GRID2: variants seen among roughly 807,000 people sequenced by gnomAD.
The protein encoded by GRID2 is glutamate receptor ionotropic, delta-2.
GRID2 carries 33 observed loss-of-function variants against 114.8 expected under a neutral mutation model. The observed-to-expected ratio is 0.29, with a 90% CI of 0.22 to 0.38. The LOEUF (loss-of-function observed/expected upper bound fraction) is 0.38. GRID2 is among the 10% of genes least tolerant of loss of function. The pLI, the probability that GRID2 is intolerant of heterozygous loss-of-function variation, is 1.00. For missense variants in GRID2, 1,184 were observed against 1,257.7 expected, an observed-to-expected ratio of 0.94 and a Z score of 0.89; for synonymous variants, 505 against 449.9, an observed-to-expected ratio of 1.12 and a Z score of -1.55.
chr4:92,504,820 A>G (rs951368641), intron 1 of GRID2, among the ~76,000 whole-genome samples: 1 of 152,028 alleles, frequency 6.6e-6, no homozygotes, highest in African/African-American at 2.4e-5. Context: ...TTTTGTTATC[A>G]AAGAGAAAAC....
intron 2 of GRID2, among the ~76,000 whole-genome samples, chr4:92,634,948 C>T: frequency 6.6e-6 from 1 of 151,614 alleles, no homozygotes; most frequent in East Asian, 1.9e-4. Context: ...GTATTTGCAG[C>T]TGCAATAAAG....
At chr4:92,880,133 T>C (rs968202050) in intron 2 of GRID2, among the ~76,000 whole-genome samples, 7 of 152,152 alleles carry the variant, frequency 4.6e-5, no homozygotes, top group Admixed American at 4.6e-4. Flanking sequence ...CTGCAAACTG[T>C]GTTTATTCCC....
At chr4:92,839,564 A>G (rs1742732778) in intron 2 of GRID2, among the ~76,000 whole-genome samples, 1 of 151,478 alleles carries the variant, frequency 6.6e-6, no homozygotes, top group Admixed American at 6.6e-5. Context: ...TTTTCTTTTA[A>G]ATTTCTTCTT....
intron 1 of GRID2, among the ~76,000 whole-genome samples, chr4:92,416,313 C>A (rs959180644): frequency 6.6e-6 from 1 of 152,040 alleles, no homozygotes; most frequent in Non-Finnish European, 1.5e-5. Flanking sequence ...CGTCCTTTGT[C>A]GGATGCATAG....
chr4:93,655,883 C>T (rs554082127), intron 14 of GRID2, among the ~76,000 whole-genome samples: 1 of 152,000 alleles, frequency 6.6e-6, no homozygotes, highest in South Asian at 2.1e-4. Context: ...GTGATATATA[C>T]ACCAATGGGA....
At chr4:93,606,699 A>C (rs563349801) in intron 13 of GRID2, among the ~76,000 whole-genome samples, 2 of 152,270 alleles carry the variant, frequency 1.3e-5, no homozygotes, top group South Asian at 4.1e-4. Context: ...TAAACATATT[A>C]TTCAGTTTAA....
Position 92,606,192 on chromosome 4 carries a change from G to A in GRID2, c.244+15906G>A, listed in dbSNP as rs1483482609. On this transcript the variant is annotated intron_variant, in intron 2 of 15. Transcript: ENST00000282020. The stretch of plus-strand genomic sequence containing the variant: ...TAGTTTTCTGTACACTTGTACAAAA[G>A]AGCCTCATTTGATAAAGCCAATAGT... 2.6e-5 allele frequency among the ~76,000 whole-genome samples: 4 copies of A among 151,490 alleles called. No individual in the cohort carries two copies. The East Asian group carries it at 7.8e-4, about 30-fold the overall frequency.
intron 2 of GRID2, among the ~76,000 whole-genome samples, chr4:93,045,754 G>A (rs2149274420): frequency 1.3e-5 from 2 of 152,142 alleles, no homozygotes; most frequent in Middle Eastern, 6.8e-3. Context: ...AATGATTTCT[G>A]CCTACCAATT....
At chr4:92,311,028 T>C (rs1204699083) in intron 1 of GRID2, among the ~76,000 whole-genome samples, 1 of 152,090 alleles carries the variant, frequency 6.6e-6, no homozygotes, top group Admixed American at 6.5e-5. Context: ...TTGAGAGAGC[T>C]GGATTTGTTT....
chr4:93,628,172 A>G (rs1742898056), intron 14 of GRID2, among the ~76,000 whole-genome samples: 1 of 152,122 alleles, frequency 6.6e-6, no homozygotes, highest in Admixed American at 6.6e-5. Flanking sequence ...CTAAATAATA[A>G]TCAATCAAAA....
intron 13 of GRID2, among the ~76,000 whole-genome samples, chr4:93,607,363 T>C (rs1280616845): frequency 6.6e-6 from 1 of 152,140 alleles, no homozygotes; most frequent in Non-Finnish European, 1.5e-5. Flanking sequence ...TAGAAATCCT[T>C]CCATAGCACC....
intron 2 of GRID2, among the ~76,000 whole-genome samples, chr4:92,965,450 TA>T (rs869285420): frequency 4.7e-5 from 4 of 85,776 alleles, no homozygotes; most frequent in South Asian, 4.0e-4. Flanking sequence ...ATTCAATTTG[TA>T]AAAAAAAAAA....
At chr4:93,680,082 A>T (rs1725357581) in intron 14 of GRID2, among the ~76,000 whole-genome samples, 1 of 151,386 alleles carries the variant, frequency 6.6e-6, no homozygotes, top group African/African-American at 2.4e-5. Context: ...GCAATAAAAA[A>T]TGATAAAGGG....
rs567577798 is a variant in GRID2, at chr4:93,324,325, G to T, written c.1246-71282G>T. Among the ~76,000 whole-genome samples, 138 of 152,120 alleles carry T rather than the reference G, an allele frequency of 9.1e-4. 1 individual carries two copies. The highest frequency in any genetic ancestry group is 3.2e-3 in the African/African-American group (134 of 41,514). On this transcript the variant is annotated intron_variant, in intron 8 of 15. Transcript: ENST00000282020. Reference sequence around the variant, plus strand: ...GATAATCATGTGGTTTTTGTCTTTCGTTCTGTTTATATGATGGATTATGTT... The same window carrying T: ...GATAATCATGTGGTTTTTGTCTTTCTTTCTGTTTATATGATGGATTATGTT...
intron 4 of GRID2, among the ~76,000 whole-genome samples, chr4:93,187,630 C>T (rs182304710): frequency 3.1e-4 from 47 of 152,250 alleles, no homozygotes; most frequent in Middle Eastern, 3.4e-3. Flanking sequence ...AGTGCAGAAT[C>T]TCATCTAAAT....
intron 3 of GRID2, 124 bp from the exon 4 acceptor site, chr4:93,110,624 A>C: frequency 1.4e-6 from 1 of 693,116 alleles, no homozygotes; most frequent in South Asian, 1.7e-5. Context: ...TCAGCTACTC[A>C]GTTGGTAATT....
chr4:92,578,086 CTTCTTCTTCT>C (rs2149199537), intron 1 of GRID2, among the ~76,000 whole-genome samples: 1 of 55,312 alleles, frequency 1.8e-5, no homozygotes, highest in Admixed American at 1.8e-4. Flanking sequence ...TCTTCTTCTT[CTTCTTCTTCT>C]TCTTCTTCTT....
At chr4:92,800,609 C>T (rs183844412) in intron 2 of GRID2, among the ~76,000 whole-genome samples, 27 of 151,978 alleles carry the variant, frequency 1.8e-4, no homozygotes, top group African/African-American at 2.9e-4. Context: ...TTGGAACTGG[C>T]ATCATATTCA....
intron 2 of GRID2, among the ~76,000 whole-genome samples, chr4:92,606,001 T>A (rs1428809075): frequency 7.1e-6 from 1 of 139,934 alleles, no homozygotes; most frequent in Non-Finnish European, 1.6e-5. Context: ...TATGGAAACA[T>A]AAGAGCTTTT....
Sources: gnomAD v4.1 joint callset for allele counts (sites outside exome capture counted in the v4.1 genomes callset) on GRCh38, gnomAD v4.1.1 for gene constraint, MANE v1.5 for transcripts, NCBI Gene and HGNC (gene_info 2026-07-23, HGNC 2026-07-21) for gene names.